NEBL: variants seen among roughly 807,000 people sequenced by gnomAD.
The protein encoded by NEBL is LIM and SH3 protein 2.
In NEBL, 122 loss-of-function variants were observed where a neutral mutation model predicts 140.2. That is an observed-to-expected ratio of 0.87 (90% confidence interval 0.75 to 1.01). The LOEUF (loss-of-function observed/expected upper bound fraction) is 1.01. Among genes scored for constraint, NEBL ranks in the 50% least tolerant of loss-of-function variants. The pLI, the probability that NEBL is intolerant of heterozygous loss-of-function variation, is 0.00. For missense variants in NEBL, 1,365 were observed against 1,231.3 expected, an observed-to-expected ratio of 1.11 and a Z score of -1.62; for synonymous variants, 436 against 398.9, an observed-to-expected ratio of 1.09 and a Z score of -1.11.
upstream of NEBL, among the ~76,000 whole-genome samples, chr10:20,901,484 T>C (rs984245625): frequency 2.0e-5 from 3 of 152,122 alleles, no homozygotes; most frequent in Admixed American, 6.5e-5. Context: ...TTCATAATGA[T>C]AGAACATGTA....
chr10:21,089,745 C>T (rs1322443641), intron 2 of NEBL, among the ~76,000 whole-genome samples: 1 of 152,108 alleles, frequency 6.6e-6, no homozygotes, highest in Non-Finnish European at 1.5e-5. Context: ...AATCTTCTCC[C>T]TTTTCTCCCT....
chr10:20,925,170 C>G (rs1409166400), intron 4 of NEBL, among the ~76,000 whole-genome samples: 1 of 152,186 alleles, frequency 6.6e-6, no homozygotes, highest in Non-Finnish European at 1.5e-5. Context: ...GAAATACTCT[C>G]TGCACATACT....
At chr10:20,800,526 T>C (rs767761695) in intron 26 of NEBL, among the ~76,000 whole-genome samples, 4 of 152,178 alleles carry the variant, frequency 2.6e-5, no homozygotes, top group Admixed American at 2.6e-4. Flanking sequence ...GGTAGTTCTA[T>C]TTTAATTTCT....
chr10:21,062,927 C>A (rs535634565), intron 2 of NEBL, among the ~76,000 whole-genome samples: 1 of 151,936 alleles, frequency 6.6e-6, no homozygotes, highest in Non-Finnish European at 1.5e-5. Context: ...GAGAAGGACA[C>A]GAGCGGCCAA....
intron 2 of NEBL, among the ~76,000 whole-genome samples, chr10:21,100,135 A>G (rs1837405622): frequency 6.6e-6 from 1 of 152,146 alleles, no homozygotes; most frequent in African/African-American, 2.4e-5. Flanking sequence ...CTGCCCGGCC[A>G]TCACATTCTA....
intron 26 of NEBL, chr10:20,793,271 C>G (rs369918547): frequency 3.4e-5 from 28 of 819,482 alleles, no homozygotes; most frequent in Non-Finnish European, 4.0e-5. Context: ...GCCTAATCAT[C>G]GTGATACAAA....
At chr10:21,171,210 T>C (rs1261999823) in intron 2 of NEBL, among the ~76,000 whole-genome samples, 3 of 151,624 alleles carry the variant, frequency 2.0e-5, no homozygotes, top group African/African-American at 7.3e-5. Context: ...TGGCGCATGC[T>C]TGTAATCCCA....
At chr10:20,971,659 G>T (rs1206950637) in intron 3 of NEBL, among the ~76,000 whole-genome samples, 3 of 135,900 alleles carry the variant, frequency 2.2e-5, no homozygotes, top group Non-Finnish European at 4.5e-5. Context: ...TGTCACCCAG[G>T]CTGGTGTGCA....
intron 2 of NEBL, among the ~76,000 whole-genome samples, chr10:21,128,295 C>T (rs1485529073): frequency 1.3e-5 from 2 of 152,082 alleles, no homozygotes; most frequent in African/African-American, 2.4e-5. Context: ...AACAGGATTA[C>T]ATAATAATCT....
intron 4 of NEBL, among the ~76,000 whole-genome samples, chr10:20,954,569 G>GT (rs1835689605): frequency 6.6e-6 from 1 of 152,206 alleles, no homozygotes. Flanking sequence ...ATTTGAATGA[G>GT]TAAGACAGGG....
At chr10:21,288,820 GTA>G (rs71392181) in intron 1 of NEBL, among the ~76,000 whole-genome samples, 1 of 35,024 alleles carries the variant, frequency 2.9e-5, no homozygotes, top group African/African-American at 9.7e-5. Flanking sequence ...GTGTGTGTGT[GTA>G]TATATATATA....
At chr10:21,073,288 A>G (rs1835900778) in intron 2 of NEBL, among the ~76,000 whole-genome samples, 1 of 150,450 alleles carries the variant, frequency 6.6e-6, no homozygotes, top group African/African-American at 2.5e-5. Flanking sequence ...GCACCACTGC[A>G]CTCCAGCCTG....
chr10:20,992,763 G>GTTTT (rs1393016825), intron 3 of NEBL, among the ~76,000 whole-genome samples: 7 of 107,844 alleles, frequency 6.5e-5, no homozygotes, highest in African/African-American at 2.8e-4. Context: ...CAACTACAAA[G>GTTTT]TCTTTTTTTT....
At chr10:21,245,458 G>A (rs115612763) in intron 3 of NEBL, among the ~76,000 whole-genome samples, 4,282 of 152,260 alleles carry the variant, frequency 0.028, 79 homozygotes, top group African/African-American at 0.038. Flanking sequence ...AGTCTGCCCC[G>A]GTAGGGAAGT....
At chr10:20,909,437 C>G (rs1362302188) in intron 4 of NEBL, among the ~76,000 whole-genome samples, 1 of 151,960 alleles carries the variant, frequency 6.6e-6, no homozygotes, top group African/African-American at 2.4e-5. Context: ...AATTTAGATG[C>G]CTCTAAGATA....
chr10:21,223,956 C>A (rs922544426), intron 3 of NEBL, among the ~76,000 whole-genome samples: 1 of 152,138 alleles, frequency 6.6e-6, no homozygotes, highest in African/African-American at 2.4e-5. Flanking sequence ...GGACAGTTTG[C>A]AAATATTTTC....
At chr10:20,883,936 T>C (rs1846236186) in intron 4 of NEBL, among the ~76,000 whole-genome samples, 2 of 152,340 alleles carry the variant, frequency 1.3e-5, no homozygotes, top group Non-Finnish European at 2.9e-5. Context: ...TTCCTTAAAA[T>C]AGCTAATGGA....
chr10:20,968,855 T>C (rs1352266219), intron 3 of NEBL, among the ~76,000 whole-genome samples: 6 of 152,254 alleles, frequency 3.9e-5, no homozygotes, highest in Admixed American at 3.9e-4. Flanking sequence ...ATTTTAAAAC[T>C]ACATGCAAAA....
At chr10:20,857,240 C>T (rs1378998996) in intron 9 of NEBL, among the ~76,000 whole-genome samples, 1 of 152,192 alleles carries the variant, frequency 6.6e-6, no homozygotes. Flanking sequence ...AATAAACATA[C>T]ATTTCAAAAC....
Sources: gnomAD v4.1 joint callset for allele counts (sites outside exome capture counted in the v4.1 genomes callset) on GRCh38, gnomAD v4.1.1 for gene constraint, MANE v1.5 for transcripts, NCBI Gene and HGNC (gene_info 2026-07-23, HGNC 2026-07-21) for gene names.